Variants in STX17 observed in about 807,000 individuals in gnomAD.
STX17 encodes syntaxin 17.
STX17 carries 29 observed loss-of-function variants against 35.9 expected under a neutral mutation model. The ratio of observed to expected loss-of-function variants is 0.81; its 90% CI spans 0.60 to 1.10. STX17 has a LOEUF of 1.10. Ranked by LOEUF, STX17 falls within the 50% of genes least tolerant of loss-of-function variation. The pLI, the probability that STX17 is intolerant of heterozygous loss-of-function variation, is 0.00. For missense variants in STX17, 312 were observed against 352.3 expected (o/e 0.89, Z 0.92); for synonymous variants, 92 against 118.3 (o/e 0.78, Z 1.44).
chr9:99,912,831 C>T (rs896727487), intron 1 of STX17, among the ~76,000 whole-genome samples: 5 of 152,038 alleles, frequency 3.3e-5, no homozygotes, highest in East Asian at 1.9e-4. Flanking sequence ...TTATTCTATC[C>T]GTTAACAGTT....
chr9:99,956,254 A>G (rs1194095911), intron 4 of STX17, among the ~76,000 whole-genome samples: 1 of 152,178 alleles, frequency 6.6e-6, no homozygotes, highest in African/African-American at 2.4e-5. Context: ...TAAAATGTCA[A>G]ACATTTCCCA....
At chr9:99,951,570 T>C (rs1270312950) in intron 4 of STX17, among the ~76,000 whole-genome samples, 1 of 152,076 alleles carries the variant, frequency 6.6e-6, no homozygotes, top group Non-Finnish European at 1.5e-5. Context: ...ATAATGTCAT[T>C]CTTGTCTGCA....
intron 6 of STX17, among the ~76,000 whole-genome samples, chr9:99,960,750 G>A (rs1169159833): frequency 2.0e-5 from 3 of 152,162 alleles, no homozygotes; most frequent in African/African-American, 4.8e-5. Context: ...CTGCCTTTGA[G>A]CATTCTACAG....
chr9:99,945,127 T>C (rs1320753747), intron 3 of STX17, among the ~76,000 whole-genome samples: 1 of 152,218 alleles, frequency 6.6e-6, no homozygotes, highest in East Asian at 1.9e-4. Context: ...TAGTTTGTGT[T>C]AAACTTATTG....
intron 4 of STX17, among the ~76,000 whole-genome samples, chr9:99,952,086 G>A (rs34037369): frequency 0.27 from 40,443 of 151,644 alleles, 6,205 homozygotes; most frequent in Non-Finnish European, 0.35. Context: ...TTTCTCTTTT[G>A]TTAGTAACTT....
At chr9:99,951,803 A>G (rs1286759282) in intron 4 of STX17, among the ~76,000 whole-genome samples, 1 of 152,052 alleles carries the variant, frequency 6.6e-6, no homozygotes, top group East Asian at 1.9e-4. Context: ...CATCTCTTCT[A>G]AGGATGTAAT....
chr9:99,965,865 A>T (rs1284475976), intron 6 of STX17, among the ~76,000 whole-genome samples: 3 of 152,150 alleles, frequency 2.0e-5, no homozygotes, highest in Non-Finnish European at 4.4e-5. Flanking sequence ...CACTTTGCAA[A>T]CACATTTTAT....
At chr9:99,920,856 G>A (rs1441644045) in intron 2 of STX17, among the ~76,000 whole-genome samples, 2 of 152,128 alleles carry the variant, frequency 1.3e-5, no homozygotes, top group East Asian at 1.9e-4. Context: ...CATGTAAACA[G>A]TAGGAATCTG....
At chr9:99,929,393 A>G (rs1829062286) in intron 3 of STX17, among the ~76,000 whole-genome samples, 1 of 151,800 alleles carries the variant, frequency 6.6e-6, no homozygotes, top group Non-Finnish European at 1.5e-5. Context: ...ATACATTTTA[A>G]TTATTTTAAC....
At chr9:99,918,994 A>C (rs1828839585) in intron 2 of STX17, among the ~76,000 whole-genome samples, 4 of 152,094 alleles carry the variant, frequency 2.6e-5, no homozygotes, top group African/African-American at 7.2e-5. Flanking sequence ...CCATTCAGAT[A>C]TTTATTGTCC....
At chr9:99,935,927 A>G (rs1457632283) in intron 3 of STX17, among the ~76,000 whole-genome samples, 2 of 152,186 alleles carry the variant, frequency 1.3e-5, no homozygotes, top group Admixed American at 6.5e-5. Flanking sequence ...CAAGGAGAGT[A>G]CAGGAGATGA....
At chr9:99,934,022 C>T (rs1829177934) in intron 3 of STX17, among the ~76,000 whole-genome samples, 1 of 152,056 alleles carries the variant, frequency 6.6e-6, no homozygotes, top group Non-Finnish European at 1.5e-5. Flanking sequence ...TAGTTTAAAA[C>T]CTTAGTAAAA....
chr9:99,908,882 T>A (rs756999537), intron 1 of STX17, among the ~76,000 whole-genome samples: 58 of 152,362 alleles, frequency 3.8e-4, no homozygotes, highest in Middle Eastern at 3.4e-3. Flanking sequence ...TTTATTTCTG[T>A]ATTTGTCTAT....
intron 2 of STX17, among the ~76,000 whole-genome samples, chr9:99,923,342 G>T (rs1183484022): frequency 1.3e-5 from 2 of 152,088 alleles, no homozygotes; most frequent in African/African-American, 4.8e-5. Context: ...TAAGATTATT[G>T]TGAAGATTAA....
intron 3 of STX17, among the ~76,000 whole-genome samples, chr9:99,943,434 A>T (rs1316604267): frequency 6.6e-6 from 1 of 152,176 alleles, no homozygotes; most frequent in South Asian, 2.1e-4. Context: ...CAGCCTCCCA[A>T]GTAGCTGGGA....
intron 3 of STX17, among the ~76,000 whole-genome samples, chr9:99,936,513 T>C (rs1176269661): frequency 6.6e-6 from 1 of 152,224 alleles, no homozygotes; most frequent in Admixed American, 6.5e-5. Context: ...TTTGATTTTA[T>C]AACTAAATGT....
At chr9:99,945,253 C>A (rs910255007) in intron 3 of STX17, among the ~76,000 whole-genome samples, 3 of 151,948 alleles carry the variant, frequency 2.0e-5, no homozygotes, top group Admixed American at 6.5e-5. Context: ...CTTTATAGTT[C>A]TTGTCCGGTT....
chr9:99,912,100 C>T (rs1350271086), intron 1 of STX17, among the ~76,000 whole-genome samples: 3 of 152,138 alleles, frequency 2.0e-5, no homozygotes, highest in African/African-American at 7.2e-5. Flanking sequence ...GTGGCATGTG[C>T]CTGTAATCCC....
At chr9:99,964,537 C>T (rs1341251069) in intron 6 of STX17, among the ~76,000 whole-genome samples, 2 of 151,948 alleles carry the variant, frequency 1.3e-5, no homozygotes, top group Non-Finnish European at 2.9e-5. Flanking sequence ...TATGGGGTGC[C>T]AAACTATAAA....
Sources: gnomAD v4.1 joint callset for allele counts (sites outside exome capture counted in the v4.1 genomes callset) on GRCh38, gnomAD v4.1.1 for gene constraint, MANE v1.5 for transcripts, NCBI Gene and HGNC (gene_info 2026-07-23, HGNC 2026-07-21) for gene names.